The following RTN4 variants were observed in gnomAD, a reference collection of about 807,000 sequenced individuals.
RTN4 encodes the protein reticulon-4.
Under a neutral mutation model 90.4 loss-of-function variants are expected in RTN4, and 32 were observed. The ratio of observed to expected loss-of-function variants is 0.35; its 90% CI spans 0.27 to 0.48. The LOEUF (loss-of-function observed/expected upper bound fraction) is 0.48. RTN4 is among the 20% of genes least tolerant of loss of function. RTN4 has a pLI of 0.99. For synonymous variants in RTN4, 629 were observed against 552.5 expected (o/e 1.14, Z -1.94); for missense variants, 1,706 against 1,430.2 (o/e 1.19, Z -3.11).
chr2:54,996,835 G>A (rs1436543797), intron 3 of RTN4, among the ~76,000 whole-genome samples: 1 of 152,132 alleles, frequency 6.6e-6, no homozygotes, highest in African/African-American at 2.4e-5. Context: ...AAAGCAGGCA[G>A]CCTCAGCTTC....
intron 1 of RTN4, among the ~76,000 whole-genome samples, chr2:55,085,323 A>C (rs1212056249): frequency 2.1e-5 from 3 of 141,040 alleles, no homozygotes; most frequent in African/African-American, 7.4e-5. Flanking sequence ...ACCCACACAC[A>C]CACACATAGA....
intron 3 of RTN4, among the ~76,000 whole-genome samples, chr2:54,997,332 C>T (rs1679509837): frequency 1.3e-5 from 2 of 152,098 alleles, no homozygotes; most frequent in African/African-American, 4.8e-5. Flanking sequence ...CCTAGGATGG[C>T]TATAATCAAA....
the RTN4 span, among the ~76,000 whole-genome samples, chr2:55,125,838 G>A: frequency 6.6e-6 from 1 of 151,716 alleles, no homozygotes; most frequent in Admixed American, 6.6e-5. Flanking sequence ...GAGGTGGGCG[G>A]GTCACCAGGT....
chr2:55,126,740 G>A, the RTN4 span, among the ~76,000 whole-genome samples: 1 of 152,172 alleles, frequency 6.6e-6, no homozygotes, highest in Non-Finnish European at 1.5e-5. Context: ...GTTCACTGCA[G>A]CACTGTTCAC....
intron 1 of RTN4, among the ~76,000 whole-genome samples, chr2:55,043,267 T>A (rs1281301318): frequency 6.6e-6 from 1 of 152,124 alleles, no homozygotes; most frequent in Admixed American, 6.5e-5. Context: ...GAACAAAAAG[T>A]CTCAAAGAAT....
chr2:55,134,415 C>A, the RTN4 span, among the ~76,000 whole-genome samples: 1 of 152,116 alleles, frequency 6.6e-6, no homozygotes, highest in East Asian at 1.9e-4. Context: ...GGGTCCAAGG[C>A]CACTCAGTAA....
At chr2:55,063,652 G>A (rs957571631) in intron 2 of RTN4, among the ~76,000 whole-genome samples, 1 of 152,058 alleles carries the variant, frequency 6.6e-6, no homozygotes, top group Non-Finnish European at 1.5e-5. Context: ...AGGCCAAGGT[G>A]GGTGGATCAC....
rs1027377781 is a variant in RTN4, at chr2:54,983,945, C to A, written c.3222-1292G>T. On this transcript the variant is annotated intron_variant, in intron 4 of 8. Transcript: ENST00000337526. Reference sequence around the variant, plus strand: ...TGATTCTATGACTCCAACTTTTCAACCAGGGACATCCTCCTAAATCTTTCC... The same window carrying A: ...TGATTCTATGACTCCAACTTTTCAAACAGGGACATCCTCCTAAATCTTTCC... Among the ~76,000 whole-genome samples the A allele has an allele frequency of 4.6e-5, 7 of 152,334 alleles. No individual in the cohort carries two copies. The East Asian group carries it at 9.6e-4, about 21-fold the overall frequency.
At chr2:55,059,200 A>C (rs1049560469) in intron 2 of RTN4, among the ~76,000 whole-genome samples, 2 of 152,164 alleles carry the variant, frequency 1.3e-5, no homozygotes, top group Non-Finnish European at 2.9e-5. Flanking sequence ...GCTCTTTGTA[A>C]ATGTAAAGCA....
chr2:55,081,952 A>G (rs1573505258), intron 1 of RTN4, among the ~76,000 whole-genome samples: 1 of 151,750 alleles, frequency 6.6e-6, no homozygotes, highest in East Asian at 1.9e-4. Context: ...ATCAAATATG[A>G]TGAAAAAGAG....
At chr2:55,120,381 G>A in the RTN4 span, among the ~76,000 whole-genome samples, 1 of 152,122 alleles carries the variant, frequency 6.6e-6, no homozygotes, top group African/African-American at 2.4e-5. Context: ...CAGGCTCAGG[G>A]AAACTAGAGC....
chr2:54,977,799 T>A (rs1677762141), intron 5 of RTN4, among the ~76,000 whole-genome samples: 1 of 152,190 alleles, frequency 6.6e-6, no homozygotes, highest in Admixed American at 6.5e-5. Context: ...TTCTAGGACT[T>A]AGAAGTTTGT....
chr2:55,051,006 G>A (rs1668076541), upstream of RTN4, among the ~76,000 whole-genome samples: 2 of 152,312 alleles, frequency 1.3e-5, no homozygotes, highest in African/African-American at 2.4e-5. Context: ...GGGCCCTAAG[G>A]ATTTTTAAAG....
intron 3 of RTN4, among the ~76,000 whole-genome samples, chr2:55,009,219 G>C (rs1439009543): frequency 3.3e-5 from 5 of 151,938 alleles, no homozygotes; most frequent in African/African-American, 1.2e-4. Flanking sequence ...GAAAAAAATT[G>C]CTTACGTAGA....
chr2:55,085,181 G>C (rs1304893172), intron 1 of RTN4, among the ~76,000 whole-genome samples: 1 of 152,124 alleles, frequency 6.6e-6, no homozygotes, highest in Non-Finnish European at 1.5e-5. Context: ...CAGAGAAATA[G>C]AACTGTGTGT....
chr2:54,993,277 C>G (rs1201630306), intron 3 of RTN4, among the ~76,000 whole-genome samples: 4 of 152,030 alleles, frequency 2.6e-5, no homozygotes, highest in Non-Finnish European at 4.4e-5. Context: ...AAAATTCACC[C>G]CATTCTGTTT....
chr2:55,050,046 G>T lies in RTN4; in HGVS notation c.255C>A (p.Phe85Leu), dbSNP rs371477279. The T allele has an allele frequency of 1.4e-6, 2 of 1,413,748 alleles. No homozygotes were observed. Among genetic ancestry groups the T allele is most frequent in the Admixed American group, 3.1e-5 (1 of 32,776 alleles). The allele number at this position is 1,413,748 out of a possible 1,614,324, so 87.6% of individuals were successfully genotyped here. A position where few individuals can be genotyped will look rare whatever the true frequency, so the allele number is the denominator to read the frequency against. ...GAPLMDFGND[F>L]VPPAPRGPLP... ...GGGGTCCCCGGGGCGCCGGCGGCAC[G>T]AAGTCATTTCCGAAGTCCATCAGGG... Residue 85 changes from phenylalanine (F) to leucine (L), a missense_variant, in exon 1 of 9, where the codon TTC (phenylalanine) becomes TTA (leucine). By Grantham distance (22) the Phe-to-Leu change is conservative. Coordinates refer to ENST00000337526, the MANE Select transcript of RTN4 (RefSeq NM_020532.5). This position sits in a 1 kb window ranked among gnomAD's most constrained non-coding sequence, Gnocchi z 4.6.
intron 7 of RTN4, 75 bp from the exon 8 acceptor site, chr2:54,973,696 G>A (rs1677345878): frequency 1.3e-5 from 20 of 1,500,992 alleles, no homozygotes; most frequent in Admixed American, 1.7e-5. Context: ...TCAAGCTAAA[G>A]GCTTAAGAAA....
At chr2:55,056,312 A>C (rs1278838202) in intron 2 of RTN4, among the ~76,000 whole-genome samples, 1 of 152,066 alleles carries the variant, frequency 6.6e-6, no homozygotes. Context: ...ATCGGCTGTC[A>C]TGGTATCACA....
Sources: allele counts gnomAD v4.1 joint callset (sites outside exome capture counted in the v4.1 genomes callset), GRCh38; gene constraint gnomAD v4.1.1; non-coding constraint Gnocchi (gnomAD v3.1); transcripts MANE v1.5; gene names NCBI Gene and HGNC (gene_info 2026-07-23, HGNC 2026-07-21).